Variants in CCDC69 observed in about 807,000 individuals in gnomAD.
The protein encoded by CCDC69 is coiled-coil domain-containing protein 69.
A neutral mutation model predicts 40.3 loss-of-function variants in CCDC69; 38 were observed. The observed-to-expected ratio is 0.94, with a 90% confidence interval of 0.73 to 1.24. The LOEUF is 1.24. CCDC69 is among the 50% of genes most tolerant of loss of function. CCDC69 has a pLI of 0.00. For missense variants in CCDC69, 389 were observed against 357.9 expected (o/e 1.09, Z -0.70); for synonymous variants, 141 against 138.9 (o/e 1.02, Z -0.11).
Position 151,214,460 on chromosome 5 carries a change from C to T in CCDC69, c.49-8985G>A, listed in dbSNP as rs137921331. ...TCAGACAGAACACCATAAATACAGG[C>T]CTTAGCCTCCCCATCTCTAAGATGG... is the stretch of plus-strand genomic sequence containing the variant. On this transcript the variant is annotated intron_variant, in intron 1 of 8. Coordinates refer to ENST00000355417, the MANE Select transcript of CCDC69 (RefSeq NM_015621.3). 4.8e-3 allele frequency among the ~76,000 whole-genome samples: 728 copies of T among 152,260 alleles called. 8 individuals carry two copies. Among genetic ancestry groups the T allele is most frequent in the African/African-American group, 0.017 (695 of 41,542 alleles).
intron 1 of CCDC69, chr5:151,212,954 G>A (rs1454215192): frequency 2.2e-6 from 1 of 452,050 alleles, no homozygotes; most frequent in Non-Finnish European, 4.5e-6. Flanking sequence ...TTAGTAGCAT[G>A]CAAGAAGAGG....
intron 1 of CCDC69, among the ~76,000 whole-genome samples, chr5:151,217,014 G>A (rs1044013164): frequency 6.6e-6 from 1 of 152,226 alleles, no homozygotes; most frequent in African/African-American, 2.4e-5. Context: ...ACATTCTAAT[G>A]TTCCATAGCA....
At chr5:151,202,108 C>T (rs1223121273) in intron 2 of CCDC69, among the ~76,000 whole-genome samples, 1 of 150,750 alleles carries the variant, frequency 6.6e-6, no homozygotes, top group Non-Finnish European at 1.5e-5. Flanking sequence ...GTAGTCCCAG[C>T]ACTTTGGGAG....
chr5:151,189,393 A>G (rs886068088), intron 4 of CCDC69, among the ~76,000 whole-genome samples: 3 of 152,096 alleles, frequency 2.0e-5, no homozygotes, highest in African/African-American at 7.2e-5. Context: ...ATGATAAGAA[A>G]GAGCCAGTGA....
At chr5:151,205,812 C>G (rs1752846626) in intron 1 of CCDC69, among the ~76,000 whole-genome samples, 1 of 152,194 alleles carries the variant, frequency 6.6e-6, no homozygotes, top group Admixed American at 6.6e-5. Context: ...CTGGCCGGAC[C>G]TGCTATTACC....
chr5:151,190,156 A>G (rs1425671868), intron 4 of CCDC69, among the ~76,000 whole-genome samples: 1 of 152,242 alleles, frequency 6.6e-6, no homozygotes, highest in African/African-American at 2.4e-5. Context: ...TAGGAAGAGT[A>G]ACAGAACTGG....
intron 8 of CCDC69, 143 bp downstream of exon 8, chr5:151,184,201 C>T: frequency 1.6e-6 from 1 of 640,808 alleles, no homozygotes; most frequent in Non-Finnish European, 2.8e-6. Context: ...TTCTTGACTC[C>T]CAGGGAAAGA....
chr5:151,196,623 G>A (rs780788887), intron 4 of CCDC69, among the ~76,000 whole-genome samples: 2 of 152,166 alleles, frequency 1.3e-5, no homozygotes, highest in Admixed American at 6.6e-5. Context: ...CACATGAAAA[G>A]ATGCTCAACA....
At chr5:151,189,783 G>C (rs899816981) in intron 4 of CCDC69, among the ~76,000 whole-genome samples, 14 of 152,150 alleles carry the variant, frequency 9.2e-5, no homozygotes, top group Admixed American at 9.2e-4. Context: ...TTGAATAACT[G>C]TGTGTTTCTC....
At chr5:151,186,685 C>T (rs182117337) in intron 5 of CCDC69, among the ~76,000 whole-genome samples, 6 of 152,270 alleles carry the variant, frequency 3.9e-5, no homozygotes, top group African/African-American at 1.2e-4. Context: ...TCACAATAGT[C>T]CCCCAGCTGC....
At chr5:151,200,425 G>C (rs2113993199) in intron 3 of CCDC69, among the ~76,000 whole-genome samples, 1 of 152,176 alleles carries the variant, frequency 6.6e-6, no homozygotes, top group East Asian at 1.9e-4. Context: ...AGGCATGCCT[G>C]GCCCAGATCT....
chr5:151,207,034 T>G (rs1752862417), intron 1 of CCDC69, among the ~76,000 whole-genome samples: 1 of 152,112 alleles, frequency 6.6e-6, no homozygotes, highest in Non-Finnish European at 1.5e-5. Context: ...CAAGTGATCC[T>G]CAGCCTCCAG....
In CCDC69 at chr5:151,199,072, T is replaced by C; in HGVS notation, c.244A>G (p.Arg82Gly). 1.2e-6 allele frequency: 2 copies of C among 1,613,890 alleles called. No homozygotes were observed. The highest frequency in any genetic ancestry group is 1.3e-5 in the African/African-American group (1 of 75,052). Residue 82 changes from arginine (R) to glycine (G), a missense_variant, in exon 4 of 9, where the codon AGG becomes GGG. Arg to Gly is a moderately radical substitution (Grantham distance 125). Transcript: ENST00000355417. ...KKWAQQVEKE[R>G]ELELRDRLDE... ...AGTCTGTCTCGAAGCTCTAGCTCCC[T>C]TTCCTTCTCCACCTGGGGGCAGAGA...
intron 1 of CCDC69, among the ~76,000 whole-genome samples, chr5:151,218,930 G>C (rs1455431305): frequency 6.6e-6 from 1 of 152,176 alleles, no homozygotes; most frequent in African/African-American, 2.4e-5. Context: ...TATCTCAAAG[G>C]CAGAGAGTAT....
intron 1 of CCDC69, among the ~76,000 whole-genome samples, chr5:151,219,131 GT>G (rs1753097727): frequency 6.6e-6 from 1 of 152,172 alleles, no homozygotes; most frequent in East Asian, 1.9e-4. Context: ...CTCCATGATG[GT>G]TGGGGCAGGG....
intron 2 of CCDC69, among the ~76,000 whole-genome samples, chr5:151,202,963 A>G (rs931734157): frequency 6.6e-6 from 1 of 152,104 alleles, no homozygotes; most frequent in Non-Finnish European, 1.5e-5. Flanking sequence ...AGAGCTTACC[A>G]TGCCTGCAAC....
Position 151,182,690 on chromosome 5 carries a change from G to A in CCDC69, c.*747C>T. 7.6e-6 allele frequency: 2 copies of A among 262,914 alleles called. No homozygotes were observed. The highest frequency in any genetic ancestry group is 8.2e-5 in the South Asian group (2 of 24,360). 16.3% of individuals were successfully genotyped at this position (262,914 alleles called of 1,614,324 possible). A position where few individuals can be genotyped will look rare whatever the true frequency, so the allele number is the denominator to read the frequency against. ...GTGCCCAGGTGGCACCAAGACTGAA[G>A]GGCCAGGAGGGCTGAGGGGATGCAC... On this transcript the variant is annotated 3_prime_UTR_variant, in exon 9 of 9. Coordinates refer to ENST00000355417, the MANE Select transcript of CCDC69 (RefSeq NM_015621.3).
chr5:151,212,312 C>T (rs1752965978), intron 1 of CCDC69: 1 of 159,046 alleles, frequency 6.3e-6, no homozygotes, highest in African/African-American at 2.4e-5. Context: ...AGGGCTGGAA[C>T]AGATGCTCTC....
chr5:151,187,543 G>A (rs1286922911), intron 4 of CCDC69, 84 bp from the exon 5 acceptor site: 1 of 1,103,606 alleles, frequency 9.1e-7, no homozygotes, highest in Non-Finnish European at 1.4e-6. Context: ...GGAAGGTCCA[G>A]ATATTTAACT....
Sources: allele counts gnomAD v4.1 joint callset (sites outside exome capture counted in the v4.1 genomes callset), GRCh38; gene constraint gnomAD v4.1.1; transcripts MANE v1.5; gene names NCBI Gene and HGNC (gene_info 2026-07-23, HGNC 2026-07-21).